The following OAS3 variants were observed in gnomAD, a reference collection of about 807,000 sequenced individuals.
OAS3 encodes the protein 2'-5'-oligoadenylate synthase 3.
A neutral mutation model predicts 113.0 loss-of-function variants in OAS3; 107 were observed. The observed-to-expected ratio is 0.95, with a 90% confidence interval of 0.81 to 1.11. The LOEUF (loss-of-function observed/expected upper bound fraction) is 1.11. OAS3 is among the 50% of genes most tolerant of loss of function. OAS3 has a pLI of 0.00. For synonymous variants in OAS3, 552 were observed against 573.6 expected, an observed-to-expected ratio of 0.96 and a Z score of 0.54; for missense variants, 1,258 against 1,389.1, an observed-to-expected ratio of 0.91 and a Z score of 1.50.
At chr12:112,939,645 G>A (rs2043661859) in intron 1 of OAS3, among the ~76,000 whole-genome samples, 3 of 151,924 alleles carry the variant, frequency 2.0e-5, no homozygotes, top group African/African-American at 4.8e-5. Flanking sequence ...TTGTAGAGAC[G>A]GGATTTCACC....
intron 1 of OAS3, among the ~76,000 whole-genome samples, chr12:112,939,672 G>A (rs901226416): frequency 1.3e-5 from 2 of 151,972 alleles, no homozygotes; most frequent in East Asian, 3.9e-4. Context: ...CCCAGGCTCC[G>A]GGTCACTTTT....
rs369227720 is a variant in OAS3, at chr12:112,962,883, G to A, written c.2065G>A (p.Gly689Ser). 1.9e-5 allele frequency: 30 copies of A among 1,613,704 alleles called. No homozygotes were observed. The highest frequency in any genetic ancestry group is 1.1e-4 in the African/African-American group (8 of 75,000). The change falls in exon 9 of 16, where the codon GGC becomes AGC. Residue 689 changes from glycine (G) to serine (S), a missense_variant. Physicochemically the swap from Gly to Ser is moderately conservative, Grantham distance 56. Transcript: ENST00000228928. ...CCCAGCCATGAGAATGCACCTTCTT[G>A]GCCAGCTTCGAAAACCCAGGTGAAG... ...EDPAMRMHLL[G>S]QLRKPRPLVL...
At chr12:112,948,556 T>C (rs973465004) in intron 5 of OAS3, among the ~76,000 whole-genome samples, 7 of 149,730 alleles carry the variant, frequency 4.7e-5, no homozygotes, top group Non-Finnish European at 1.0e-4. Context: ...AACAGTCTTA[T>C]CACCAAGCTC....
chr12:112,950,591 A>C, intron 6 of OAS3, 102 bp from the exon 7 acceptor site: 1 of 1,350,970 alleles, frequency 7.4e-7, no homozygotes, highest in South Asian at 1.4e-5. Context: ...CATCAGCAAG[A>C]GGGCAGGTTC....
intron 8 of OAS3, among the ~76,000 whole-genome samples, chr12:112,961,732 A>T (rs893521992): frequency 1.3e-5 from 2 of 152,168 alleles, no homozygotes; most frequent in African/African-American, 2.4e-5. Context: ...CTTCTGGATC[A>T]AGCTGTGCCT....
chr12:112,956,445 A>T (rs1565978868), intron 7 of OAS3, among the ~76,000 whole-genome samples: 1 of 151,906 alleles, frequency 6.6e-6, no homozygotes, highest in Non-Finnish European at 1.5e-5. Context: ...TCAATTTTAG[A>T]TCTTTCTTGC....
intron 15 of OAS3, 38 bp from the exon 16 acceptor site, chr12:112,969,924 G>T: frequency 3.1e-6 from 5 of 1,604,562 alleles, no homozygotes; most frequent in Non-Finnish European, 4.3e-6. Context: ...TCTGCAGAAA[G>T]AATGGGGTTA....
intron 7 of OAS3, among the ~76,000 whole-genome samples, chr12:112,959,306 G>A (rs1005719737): frequency 8.6e-5 from 13 of 151,624 alleles, no homozygotes; most frequent in South Asian, 4.1e-4. Context: ...GTGAGGCGAC[G>A]CCCTGCCCTG....
intron 7 of OAS3, among the ~76,000 whole-genome samples, chr12:112,951,221 T>C (rs956180711): frequency 1.3e-5 from 2 of 152,254 alleles, no homozygotes; most frequent in East Asian, 3.8e-4. Flanking sequence ...CACACCCATG[T>C]AGCCCAATTC....
At chr12:112,960,476 T>G (rs773783367) in intron 7 of OAS3, among the ~76,000 whole-genome samples, 49 of 151,010 alleles carry the variant, frequency 3.2e-4, no homozygotes, top group Middle Eastern at 6.8e-3. Context: ...AAGACTCAAT[T>G]GTAGCTTCCT....
chr12:112,953,720 G>A (rs917925981), intron 7 of OAS3, among the ~76,000 whole-genome samples: 18 of 152,200 alleles, frequency 1.2e-4, no homozygotes, highest in Non-Finnish European at 2.6e-4. Flanking sequence ...GTTTTGATTT[G>A]CATTTCTCTG....
At chr12:112,964,520 G>A (rs755320506) in intron 11 of OAS3, 112 bp downstream of exon 11, 71 of 1,145,450 alleles carry the variant, frequency 6.2e-5, no homozygotes, top group Non-Finnish European at 8.5e-5. Context: ...CAAAAAGCCA[G>A]GCATAGAGAA....
At chr12:112,953,607 G>A (rs1017283587) in intron 7 of OAS3, among the ~76,000 whole-genome samples, 4 of 152,166 alleles carry the variant, frequency 2.6e-5, no homozygotes, top group African/African-American at 9.7e-5. Flanking sequence ...CCCACCAACA[G>A]TGTAAAAGTG....
intron 1 of OAS3, among the ~76,000 whole-genome samples, chr12:112,939,788 G>A (rs556417953): frequency 5.9e-5 from 9 of 152,290 alleles, no homozygotes; most frequent in African/African-American, 1.9e-4. Flanking sequence ...ATTTGGGGGT[G>A]CCAGGAGTGG....
intron 7 of OAS3, among the ~76,000 whole-genome samples, chr12:112,956,949 C>T (rs1346430223): frequency 6.6e-6 from 1 of 152,106 alleles, no homozygotes; most frequent in Non-Finnish European, 1.5e-5. Flanking sequence ...TTACAGTCTC[C>T]CATTATTATT....
Position 112,949,264 on chromosome 12 carries a change from G to A in OAS3, c.1374+59G>A, listed in dbSNP as rs2043767625. Reference sequence around the variant, plus strand: ...CTATCGAGGGATCAGCGTGGGGAAGGGAAGGAGTTACAGCAATGGAGCTGA... The same window carrying A: ...CTATCGAGGGATCAGCGTGGGGAAGAGAAGGAGTTACAGCAATGGAGCTGA... On this transcript the variant is annotated intron_variant, in intron 6 of 15. Coordinates refer to ENST00000228928, the MANE Select transcript of OAS3 (RefSeq NM_006187.4). 6 of 1,479,844 alleles carry A rather than the reference G, an allele frequency of 4.1e-6. No homozygotes were observed. The South Asian group carries it at 7.3e-5, about 18-fold the overall frequency. The allele number at this position is 1,479,844 out of a possible 1,614,324, so 91.7% of individuals were successfully genotyped here.
chr12:112,947,738 A>C (rs1430761194), intron 4 of OAS3, among the ~76,000 whole-genome samples: 1 of 152,216 alleles, frequency 6.6e-6, no homozygotes, highest in Non-Finnish European at 1.5e-5. Flanking sequence ...GTATCTTGTG[A>C]TTCCAACGTG....
chr12:112,949,361 G>A (rs1274818201), intron 6 of OAS3, among the ~76,000 whole-genome samples, 156 bp downstream of exon 6: 1 of 152,172 alleles, frequency 6.6e-6, no homozygotes, highest in Non-Finnish European at 1.5e-5. Context: ...TTAAGTGCCA[G>A]CTTAGATTTT....
intron 13 of OAS3, 119 bp from the exon 14 acceptor site, chr12:112,967,817 T>G (rs1227700181): frequency 4.1e-6 from 5 of 1,224,508 alleles, no homozygotes; most frequent in Non-Finnish European, 5.6e-6. Flanking sequence ...TGGCAAGGCA[T>G]CTGGCACATG....
Sources: gnomAD v4.1 joint callset for allele counts (sites outside exome capture counted in the v4.1 genomes callset) on GRCh38, gnomAD v4.1.1 for gene constraint, MANE v1.5 for transcripts, NCBI Gene and HGNC (gene_info 2026-07-23, HGNC 2026-07-21) for gene names.